Variants in SLC9A8 observed in about 807,000 individuals in gnomAD.
The protein encoded by SLC9A8 is sodium/hydrogen exchanger 8.
Under a neutral mutation model 66.6 loss-of-function variants are expected in SLC9A8, and 48 were observed. The observed-to-expected ratio is 0.72, with a 90% confidence interval of 0.57 to 0.92. The LOEUF (loss-of-function observed/expected upper bound fraction) is 0.92. Among genes scored for constraint, SLC9A8 ranks in the 40% least tolerant of loss-of-function variants. The pLI, the probability that SLC9A8 is intolerant of heterozygous loss-of-function variation, is 0.00. For synonymous variants in SLC9A8, 274 were observed against 282.6 expected (o/e 0.97, Z 0.31); for missense variants, 599 against 747.3 (o/e 0.80, Z 2.31).
Position 49,886,923 on chromosome 20 carries a change from T to C in SLC9A8, c.1638+25T>C. The C allele has an allele frequency of 6.2e-7, 1 of 1,603,444 alleles. No homozygotes were observed. Among genetic ancestry groups the C allele is most frequent in the Non-Finnish European group, 8.5e-7 (1 of 1,173,168 alleles). ...GGTGGGATACCGGCCAGGCCACACTTTCTGGGGGTCCCTTGCCTGCCTCCT... is the reference window on the plus strand; with the variant it reads ...GGTGGGATACCGGCCAGGCCACACTCTCTGGGGGTCCCTTGCCTGCCTCCT... On this transcript the variant is annotated intron_variant, in intron 15 of 15. Transcript: ENST00000361573. This position sits in a 1 kb window ranked among gnomAD's most constrained non-coding sequence, Gnocchi z 4.8.
chr20:49,849,464 G>A, intron 5 of SLC9A8, 115 bp from the exon 6 acceptor site: 1 of 759,488 alleles, frequency 1.3e-6, no homozygotes, highest in Non-Finnish European at 2.3e-6. Context: ...AGGTTGGGCA[G>A]TGGTGCCTTT....
intron 8 of SLC9A8, among the ~76,000 whole-genome samples, chr20:49,856,343 CTG>C (rs2088482842): frequency 6.6e-6 from 1 of 152,128 alleles, no homozygotes; most frequent in African/African-American, 2.4e-5. Flanking sequence ...GCCCCACTAG[CTG>C]ATGCATGTCA....
intron 3 of SLC9A8, among the ~76,000 whole-genome samples, chr20:49,835,190 G>T (rs1600682383): frequency 6.7e-6 from 1 of 150,206 alleles, no homozygotes; most frequent in South Asian, 2.1e-4. Flanking sequence ...GATAGTCTGG[G>T]TTTGTTTTTT....
In SLC9A8 at chr20:49,887,714, A is replaced by C. The variant is rs190490813; in HGVS notation, c.1639-115A>C. On this transcript the variant is annotated intron_variant, in intron 15 of 15. Coordinates refer to ENST00000361573, the MANE Select transcript of SLC9A8 (RefSeq NM_015266.3). ...GAAACTGAAGTTGCCTGTGGCCATC[A>C]CCCTGCCTCCCACCTCCTCCCTAGA... is the stretch of plus-strand genomic sequence containing the variant. 73 of 726,748 alleles carry C rather than the reference A, an allele frequency of 1.0e-4. No individual in the cohort carries two copies. The Middle Eastern group carries it at 3.7e-3, about 37-fold the overall frequency. The allele number at this position is 726,748 out of a possible 1,614,324, so 45.0% of individuals were successfully genotyped here.
chr20:49,883,848 C>T lies in SLC9A8; in HGVS notation c.1273C>T (p.Leu425=), dbSNP rs6067259. Residue 425 remains leucine (L), a splice_region_variant and synonymous_variant, in exon 14 of 16, where the codon CTG becomes TTG. Coordinates refer to ENST00000361573, the MANE Select transcript of SLC9A8 (RefSeq NM_015266.3). ...KMMFIMWFSG[L]RGAIPYALSL... ...TCACACTGTTTGCTGTCACCCAGGC[C>T]TGCGGGGAGCCATCCCCTATGCCCT... The T allele has an allele frequency of 6.2e-7, 1 of 1,604,652 alleles. No individual in the cohort carries two copies. The highest frequency in any genetic ancestry group is 1.1e-5 in the South Asian group (1 of 91,058).
At position 49,886,868 on chromosome 20, in the gene SLC9A8, C is replaced by G; in HGVS notation, c.1608C>G (p.Asn536Lys). Residue 536 changes from asparagine (N) to lysine (K), a missense_variant, in exon 15 of 16, where the codon AAC (asparagine) becomes AAG (lysine). Physicochemically the swap from Asn to Lys is moderately conservative, Grantham distance 94. Around this residue, in one of 2 missense-constraint regions of SLC9A8, gnomAD observed 467 missense variants for 626.5 expected, o/e 0.75. Transcript: ENST00000361573. This position sits in a 1 kb window ranked among gnomAD's most constrained non-coding sequence, Gnocchi z 4.8. ...TGTGGCTGGACGCCAAGTACCTGAA[C>G]CCCTTCTTCACTCGGAGGCTGACGC... ...GFVWLDAKYL[N>K]PFFTRRLTQE... The G allele has an allele frequency of 1.9e-6, 3 of 1,614,152 alleles. No homozygotes were observed. Among genetic ancestry groups the G allele is most frequent in the Non-Finnish European group, 2.5e-6 (3 of 1,179,986 alleles).
chr20:49,845,575 C>T (rs2087949923), intron 5 of SLC9A8, among the ~76,000 whole-genome samples: 1 of 152,304 alleles, frequency 6.6e-6, no homozygotes, highest in South Asian at 2.1e-4. Flanking sequence ...ATGTCTCCCT[C>T]TCGGTGCCCT....
chr20:49,824,819 A>G (rs561400689), intron 3 of SLC9A8, among the ~76,000 whole-genome samples: 1 of 152,178 alleles, frequency 6.6e-6, no homozygotes, highest in Non-Finnish European at 1.5e-5. Context: ...CTTTGCCATC[A>G]TGTTAATTTC....
At chr20:49,864,523 A>G (rs1339080767) in intron 9 of SLC9A8, among the ~76,000 whole-genome samples, 1 of 152,086 alleles carries the variant, frequency 6.6e-6, no homozygotes, top group East Asian at 1.9e-4. Flanking sequence ...CGGAATTTAC[A>G]TTTCTTAGTG....
At chr20:49,870,432 C>T (rs942925745) in intron 10 of SLC9A8, among the ~76,000 whole-genome samples, 10 of 152,250 alleles carry the variant, frequency 6.6e-5, no homozygotes, top group South Asian at 2.1e-4. Context: ...AGCCCAGGGA[C>T]GCTCTAGGGA....
chr20:49,882,738 G>C lies in SLC9A8; in HGVS notation c.1271-1108G>C, dbSNP rs2281220. Among the ~76,000 whole-genome samples, 344 of 152,284 alleles carry C rather than the reference G, an allele frequency of 2.3e-3. 6 individuals carry two copies. In the East Asian group the frequency reaches 0.041, roughly 18 times the overall value. On this transcript the variant is annotated intron_variant, in intron 13 of 15. Transcript: ENST00000361573. Reference sequence around the variant, plus strand: ...GAATTGCCCGGTGGCCTGGCTAGCCGGTACTAAGCACTTGCTGGGTACACA... The same window carrying C: ...GAATTGCCCGGTGGCCTGGCTAGCCCGTACTAAGCACTTGCTGGGTACACA...
intron 1 of SLC9A8, 26 bp downstream of exon 1, chr20:49,812,974 G>A (rs1431328891): frequency 5.8e-6 from 8 of 1,390,260 alleles, no homozygotes; most frequent in African/African-American, 1.5e-5. Flanking sequence ...CCCGGGCGGC[G>A]GAGGCGGCGG....
chr20:49,827,203 A>G (rs1188991927), intron 3 of SLC9A8, among the ~76,000 whole-genome samples: 1 of 151,570 alleles, frequency 6.6e-6, no homozygotes, highest in Non-Finnish European at 1.5e-5. Flanking sequence ...CGGCTTCCCA[A>G]AGTGCTGGGA....
chr20:49,813,216 A>G (rs1000109220), intron 1 of SLC9A8, among the ~76,000 whole-genome samples: 4 of 152,006 alleles, frequency 2.6e-5, no homozygotes, highest in Non-Finnish European at 2.9e-5. Flanking sequence ...AATACAAACC[A>G]TATTTACTTT....
chr20:49,863,287 T>C (rs538872255), intron 9 of SLC9A8, among the ~76,000 whole-genome samples: 2 of 152,250 alleles, frequency 1.3e-5, no homozygotes, highest in African/African-American at 4.8e-5. Flanking sequence ...TTAAAAAACA[T>C]GTACACTGTT....
Position 49,883,986 on chromosome 20 carries a change from A to T in SLC9A8, c.1411A>T (p.Ile471Phe). 2.5e-6 allele frequency: 4 copies of T among 1,613,576 alleles called. No homozygotes were observed. The highest frequency in any genetic ancestry group is 3.4e-6 in the Non-Finnish European group (4 of 1,179,992). ...GCTGGGCGGCAGCACCATGCCCCTC[A>T]TTCGCCTCATGGACATCGAGGACGC... is the stretch of plus-strand genomic sequence containing the variant. ...LLLGGSTMPL[I>F]RLMDIEDAKA... is the part of the protein sequence containing the mutation. Residue 471 changes from isoleucine to phenylalanine, a missense_variant, in exon 14 of 16, where the codon ATT becomes TTT. Ile to Phe is a conservative substitution (Grantham distance 21). This residue lies in a region of SLC9A8 where 467 missense variants were observed against 626.5 expected (regional missense o/e 0.75). Coordinates refer to ENST00000361573, the MANE Select transcript of SLC9A8 (RefSeq NM_015266.3).
At chr20:49,841,847 G>T (rs2087775038) in intron 4 of SLC9A8, among the ~76,000 whole-genome samples, 1 of 151,760 alleles carries the variant, frequency 6.6e-6, no homozygotes, top group South Asian at 2.1e-4. Context: ...CACCCACCTT[G>T]TCCTCCCAAA....
At chr20:49,829,836 A>G in intron 3 of SLC9A8, 1 of 562,722 alleles carries the variant, frequency 1.8e-6, no homozygotes, top group Non-Finnish European at 3.6e-6. Context: ...TCTGAAGGAA[A>G]AGTGAAGAAG....
At chr20:49,871,673 G>A (rs555638569) in intron 10 of SLC9A8, among the ~76,000 whole-genome samples, 2 of 152,202 alleles carry the variant, frequency 1.3e-5, no homozygotes, top group South Asian at 2.1e-4. Context: ...TTTTGTGCCT[G>A]CTGCTGACCC....
Sources: allele counts gnomAD v4.1 joint callset (sites outside exome capture counted in the v4.1 genomes callset), GRCh38; gene constraint gnomAD v4.1.1; regional missense constraint gnomAD v4.1.1; non-coding constraint Gnocchi (gnomAD v3.1); transcripts MANE v1.5; gene names NCBI Gene and HGNC (gene_info 2026-07-23, HGNC 2026-07-21).